Variants in CTIF observed in about 807,000 individuals in gnomAD.
The protein encoded by CTIF is CBP80/20-dependent translation initiation factor.
Under a neutral mutation model 66.0 loss-of-function variants are expected in CTIF, and 21 were observed. The ratio of observed to expected loss-of-function variants is 0.32; its 90% CI spans 0.23 to 0.46. The LOEUF (loss-of-function observed/expected upper bound fraction) is 0.46. CTIF is among the 20% of genes least tolerant of loss of function. The pLI, the probability that CTIF is intolerant of heterozygous loss-of-function variation, is 1.00. For synonymous variants in CTIF, 345 were observed against 326.4 expected (o/e 1.06, Z -0.62); for missense variants, 739 against 812.7 (o/e 0.91, Z 1.10).
intron 7 of CTIF, among the ~76,000 whole-genome samples, chr18:48,753,498 A>G (rs1908035679): frequency 1.3e-5 from 2 of 152,212 alleles, no homozygotes; most frequent in South Asian, 4.1e-4. Context: ...TATAAAAGAG[A>G]GCAGTCTTAG....
intron 1 of CTIF, among the ~76,000 whole-genome samples, chr18:48,544,599 C>T (rs2088701492): frequency 6.6e-6 from 1 of 152,212 alleles, no homozygotes; most frequent in Non-Finnish European, 1.5e-5. Flanking sequence ...AGGCAGTTAC[C>T]ATAGCAACGA....
Position 48,644,420 on chromosome 18 carries a change from A to G in CTIF, c.252+7735A>G, listed in dbSNP as rs185972194. On this transcript the variant is annotated intron_variant, in intron 3 of 11. Transcript: ENST00000256413. Reference sequence around the variant, plus strand: ...CCTGGGTCACATGCCCAGGAGCACTAGAAGTGTGCGCTGTGATTCCCCTTA... The same window carrying G: ...CCTGGGTCACATGCCCAGGAGCACTGGAAGTGTGCGCTGTGATTCCCCTTA... Among the ~76,000 whole-genome samples, 128 of 152,344 alleles carry G rather than the reference A, an allele frequency of 8.4e-4. 3 individuals are homozygous for G. The highest frequency in any genetic ancestry group is 3.0e-3 in the African/African-American group (123 of 41,578).
chr18:48,610,140 A>G (rs2090279330), intron 1 of CTIF, among the ~76,000 whole-genome samples: 1 of 152,090 alleles, frequency 6.6e-6, no homozygotes, highest in Admixed American at 6.5e-5. Flanking sequence ...GCCCTCAAGG[A>G]TTACGCAGTC....
At chr18:48,612,326 T>G (rs2090322063) in intron 1 of CTIF, among the ~76,000 whole-genome samples, 1 of 152,126 alleles carries the variant, frequency 6.6e-6, no homozygotes, top group African/African-American at 2.4e-5. Context: ...TCCTCCCCAC[T>G]CCAGCAGGCA....
chr18:48,803,420 T>G (rs1377215330), intron 9 of CTIF, among the ~76,000 whole-genome samples: 1 of 152,180 alleles, frequency 6.6e-6, no homozygotes, highest in African/African-American at 2.4e-5. Flanking sequence ...TTCAAGATAA[T>G]CCTCATCATA....
chr18:48,555,253 A>G (rs984442418), intron 1 of CTIF, among the ~76,000 whole-genome samples: 1 of 152,176 alleles, frequency 6.6e-6, no homozygotes, highest in Admixed American at 6.5e-5. Flanking sequence ...GGCAGCTTCT[A>G]GATATGGGGA....
chr18:48,588,437 A>G (rs2089818286), intron 1 of CTIF, among the ~76,000 whole-genome samples: 1 of 152,034 alleles, frequency 6.6e-6, no homozygotes, highest in Non-Finnish European at 1.5e-5. Context: ...TCCAGCTCCC[A>G]CTTGGCTGCC....
At chr18:48,833,662 A>C (rs548727838) in intron 10 of CTIF, among the ~76,000 whole-genome samples, 1 of 152,310 alleles carries the variant, frequency 6.6e-6, no homozygotes, top group South Asian at 2.1e-4. Flanking sequence ...CCAAAGGAAC[A>C]AAAAGGGTGC....
intron 7 of CTIF, among the ~76,000 whole-genome samples, chr18:48,742,406 A>T (rs1009127988): frequency 3.9e-5 from 6 of 152,170 alleles, no homozygotes; most frequent in African/African-American, 1.2e-4. Flanking sequence ...ACCCTTGTGG[A>T]TGCTCCCCAA....
intron 1 of CTIF, among the ~76,000 whole-genome samples, chr18:48,590,619 T>C (rs1018990611): frequency 6.6e-5 from 10 of 152,224 alleles, no homozygotes; most frequent in African/African-American, 2.2e-4. Context: ...CCTGGAACCA[T>C]GCTGCCCAGG....
chr18:48,744,253 C>T (rs2092577540), intron 7 of CTIF, among the ~76,000 whole-genome samples: 1 of 152,160 alleles, frequency 6.6e-6, no homozygotes, highest in South Asian at 2.1e-4. Context: ...GCAGTTTCAC[C>T]TCCTGCTAGG....
chr18:48,617,054 A>G (rs2090413035), intron 1 of CTIF, among the ~76,000 whole-genome samples: 1 of 152,236 alleles, frequency 6.6e-6, no homozygotes, highest in Non-Finnish European at 1.5e-5. Context: ...TTGTTAGCCA[A>G]GTTGAATTCT....
chr18:48,856,173 C>T (rs766688548), intron 10 of CTIF, among the ~76,000 whole-genome samples: 2 of 152,104 alleles, frequency 1.3e-5, no homozygotes, highest in Non-Finnish European at 2.9e-5. Context: ...GAAGCCACGC[C>T]CAGAGAGGGT....
intron 10 of CTIF, chr18:48,826,630 G>A (rs1164037853): frequency 6.6e-6 from 1 of 152,232 alleles, no homozygotes; most frequent in Non-Finnish European, 1.5e-5. Flanking sequence ...ACCCTTTCTT[G>A]GTTGCTTTTA....
intron 1 of CTIF, among the ~76,000 whole-genome samples, chr18:48,588,923 C>T (rs545096862): frequency 2.0e-5 from 3 of 152,238 alleles, no homozygotes; most frequent in Admixed American, 6.5e-5. Context: ...CTGAGGGCAC[C>T]GGACTTTTCC....
chr18:48,777,528 C>A (rs938491391), intron 9 of CTIF, among the ~76,000 whole-genome samples: 1 of 152,158 alleles, frequency 6.6e-6, no homozygotes, highest in African/African-American at 2.4e-5. Flanking sequence ...CCCAAGACAA[C>A]CAGGGCTCTT....
At chr18:48,651,460 G>A (rs763587577) in intron 3 of CTIF, among the ~76,000 whole-genome samples, 34 of 151,930 alleles carry the variant, frequency 2.2e-4, no homozygotes, top group Non-Finnish European at 3.4e-4. Context: ...AACATGTATG[G>A]CCCTAATACA....
At position 48,861,773 on chromosome 18, in the gene CTIF, C is replaced by T. The variant is rs2069475039; in HGVS notation, c.*2214C>T. The T allele has an allele frequency of 6.6e-6, 1 of 152,350 alleles. No individual in the cohort carries two copies. The highest frequency in any genetic ancestry group is 2.4e-5 in the African/African-American group (1 of 41,472). The allele number at this position is 152,350 out of a possible 1,614,324, so 9.4% of individuals were successfully genotyped here. ...GGCACCTTGGGGCCTGATTCTCCTT[C>T]CTCCGAACGGGCTCCTTGATGGCCT... On this transcript the variant is annotated 3_prime_UTR_variant, in exon 12 of 12. Coordinates refer to ENST00000256413, the MANE Select transcript of CTIF (RefSeq NM_014772.3).
intron 9 of CTIF, among the ~76,000 whole-genome samples, chr18:48,765,973 T>C: frequency 6.6e-6 from 1 of 151,026 alleles, no homozygotes; most frequent in Non-Finnish European, 1.5e-5. Flanking sequence ...TTTTATATAC[T>C]TTAAGTTTTA....
Sources: allele counts gnomAD v4.1 joint callset (sites outside exome capture counted in the v4.1 genomes callset), GRCh38; gene constraint gnomAD v4.1.1; transcripts MANE v1.5; gene names NCBI Gene and HGNC (gene_info 2026-07-23, HGNC 2026-07-21).